The following SUMF1 variants were observed in gnomAD, a reference collection of about 807,000 sequenced individuals.
SUMF1 encodes the protein formylglycine-generating enzyme.
SUMF1 carries 48 observed loss-of-function variants against 47.6 expected under a neutral mutation model. The observed-to-expected ratio is 1.01, with a 90% CI of 0.80 to 1.28. SUMF1 has a LOEUF of 1.28. Among genes scored for constraint, SUMF1 ranks in the 50% most tolerant of loss-of-function variants. The pLI, the probability that SUMF1 is intolerant of heterozygous loss-of-function variation, is 0.00. For missense variants in SUMF1, 571 were observed against 485.4 expected (o/e 1.18, Z -1.66); for synonymous variants, 230 against 192.1 (o/e 1.20, Z -1.63).
chr3:4,423,172 A>T (rs534035601), intron 3 of SUMF1, among the ~76,000 whole-genome samples: 4 of 152,302 alleles, frequency 2.6e-5, no homozygotes, highest in South Asian at 2.1e-4. Context: ...TCATTACATG[A>T]AAAAGATACT....
At chr3:4,342,134 C>G (rs971593867) in intron 8 of SUMF1, among the ~76,000 whole-genome samples, 7 of 152,178 alleles carry the variant, frequency 4.6e-5, no homozygotes, top group Admixed American at 3.3e-4. Context: ...CAACAAATGT[C>G]AAAACTCAGG....
chr3:4,102,926 T>C (rs1034364422), intron 8 of SUMF1, among the ~76,000 whole-genome samples: 8 of 151,456 alleles, frequency 5.3e-5, no homozygotes, highest in Admixed American at 3.9e-4. Flanking sequence ...AAACTTCTTT[T>C]TTTTTTTTTA....
intron 9 of SUMF1, among the ~76,000 whole-genome samples, chr3:4,048,614 G>A (rs1695048719): frequency 6.6e-6 from 1 of 151,170 alleles, no homozygotes. Flanking sequence ...ATCTATGTTT[G>A]TGTGATTAAT....
chr3:4,276,603 T>C (rs2125042062), intron 8 of SUMF1, among the ~76,000 whole-genome samples: 1 of 152,292 alleles, frequency 6.6e-6, no homozygotes, highest in Non-Finnish European at 1.5e-5. Flanking sequence ...CAGTTCCTTC[T>C]CAACCCCACA....
Position 4,367,126 on chromosome 3 carries a change from TACTGG to T in SUMF1, c.1015-4877_1015-4873del, listed in dbSNP as rs1222384579. Among the ~76,000 whole-genome samples, 58 of 151,840 alleles carry T rather than the reference TACTGG, an allele frequency of 3.8e-4. No homozygotes were observed. In the South Asian group the frequency reaches 4.0e-3, roughly 10 times the overall value. On this transcript the variant is annotated intron_variant, in intron 8 of 8. Coordinates refer to ENST00000272902, the MANE Select transcript of SUMF1 (RefSeq NM_182760.4). Reference sequence around the variant, plus strand: ...GCCGTGTGAGGTGTCAGTCTGCCCCTACTGGGGGGGTGCCTCACAGTTAGGCTGCT... The same window carrying T: ...GCCGTGTGAGGTGTCAGTCTGCCCCTGGGGGTGCCTCACAGTTAGGCTGCT...
intron 3 of SUMF1, among the ~76,000 whole-genome samples, chr3:4,446,573 C>T (rs975050843): frequency 2.6e-5 from 4 of 152,120 alleles, no homozygotes; most frequent in East Asian, 3.8e-4. Context: ...CATCAACAGC[C>T]GCTAACATTA....
intron 8 of SUMF1, among the ~76,000 whole-genome samples, chr3:4,110,509 T>C (rs1185584323): frequency 6.6e-6 from 1 of 152,044 alleles, no homozygotes; most frequent in Non-Finnish European, 1.5e-5. Flanking sequence ...ACCCAAAGGA[T>C]TATAAATCAT....
intron 7 of SUMF1, among the ~76,000 whole-genome samples, chr3:4,384,305 G>T (rs978975686): frequency 1.3e-5 from 2 of 152,150 alleles, no homozygotes; most frequent in African/African-American, 4.8e-5. Context: ...AGCTGTAAAA[G>T]GTAACAGAGG....
chr3:4,251,516 T>A (rs1372771483), intron 8 of SUMF1, among the ~76,000 whole-genome samples: 1 of 152,336 alleles, frequency 6.6e-6, no homozygotes, highest in South Asian at 2.1e-4. Flanking sequence ...AAAATGCACA[T>A]CATCACATGC....
At chr3:4,322,659 T>TAAAAAA (rs533846032) in intron 8 of SUMF1, among the ~76,000 whole-genome samples, 2 of 127,594 alleles carry the variant, frequency 1.6e-5, no homozygotes, top group African/African-American at 5.8e-5. Context: ...GACCTGCCTA[T>TAAAAAA]AAAAAAAAAA....
intron 8 of SUMF1, among the ~76,000 whole-genome samples, chr3:4,216,575 A>C (rs543450673): frequency 2.0e-5 from 3 of 152,316 alleles, no homozygotes; most frequent in Admixed American, 2.0e-4. Context: ...TCTGCACAGC[A>C]AAAGAAACTA....
chr3:4,337,572 G>A (rs1472930307), intron 8 of SUMF1, among the ~76,000 whole-genome samples: 1 of 151,480 alleles, frequency 6.6e-6, no homozygotes, highest in African/African-American at 2.4e-5. Flanking sequence ...GCTCACCATG[G>A]TACCTACCTG....
intron 3 of SUMF1, among the ~76,000 whole-genome samples, chr3:4,430,579 G>A (rs995656897): frequency 6.6e-6 from 1 of 152,096 alleles, no homozygotes; most frequent in Non-Finnish European, 1.5e-5. Context: ...CTATAGAATA[G>A]GTTCATGATG....
At chr3:4,457,860 A>T (rs1284719488) in intron 1 of SUMF1, among the ~76,000 whole-genome samples, 1 of 152,212 alleles carries the variant, frequency 6.6e-6, no homozygotes. Context: ...TGACCCCAAA[A>T]GCACAGGCAA....
intron 7 of SUMF1, among the ~76,000 whole-genome samples, chr3:4,386,526 C>A (rs1436624147): frequency 6.6e-6 from 1 of 152,044 alleles, no homozygotes; most frequent in Non-Finnish European, 1.5e-5. Flanking sequence ...TCTATGTAAA[C>A]AAACACTCAT....
chr3:4,230,690 C>G (rs1415257896), intron 8 of SUMF1, among the ~76,000 whole-genome samples: 3 of 152,100 alleles, frequency 2.0e-5, no homozygotes, highest in Non-Finnish European at 4.4e-5. Context: ...CAGCCCCTCT[C>G]TCTTCCCCAG....
intron 8 of SUMF1, among the ~76,000 whole-genome samples, chr3:4,344,417 C>T (rs1000712438): frequency 5.3e-5 from 8 of 152,108 alleles, no homozygotes; most frequent in Admixed American, 2.6e-4. Flanking sequence ...TGAACCCCCA[C>T]CAAATTGCAG....
At chr3:4,408,249 C>A (rs1217051647) in intron 7 of SUMF1, among the ~76,000 whole-genome samples, 1 of 152,138 alleles carries the variant, frequency 6.6e-6, no homozygotes, top group African/African-American at 2.4e-5. Flanking sequence ...AGTGAAACAG[C>A]CCTGCACACT....
intron 8 of SUMF1, among the ~76,000 whole-genome samples, chr3:4,174,976 G>T (rs2600129): frequency 0.66 from 100,051 of 152,044 alleles, 33,077 homozygotes; most frequent in South Asian, 0.73. Context: ...CAGCCGGGCT[G>T]GGGGAGGGGC....
Sources: allele counts gnomAD v4.1 joint callset (sites outside exome capture counted in the v4.1 genomes callset), GRCh38; gene constraint gnomAD v4.1.1; transcripts MANE v1.5; gene names NCBI Gene and HGNC (gene_info 2026-07-23, HGNC 2026-07-21).